Variants in NYAP2 observed in about 807,000 individuals in gnomAD.
The protein encoded by NYAP2 is neuronal tyrosine-phosphorylated phosphoinositide-3-kinase adaptor 2, also known as neuronal tyrosine-phosphorylated phosphoinositide-3-kinase adapter 2.
In NYAP2, 23 loss-of-function variants were observed where a neutral mutation model predicts 50.4. That is an observed-to-expected ratio of 0.46 (90% CI 0.33 to 0.65). NYAP2 has a LOEUF of 0.65. NYAP2 is among the 30% of genes least tolerant of loss of function. The pLI, the probability that NYAP2 is intolerant of heterozygous loss-of-function variation, is 0.02. For missense variants in NYAP2, 885 were observed against 861.0 expected (o/e 1.03, Z -0.35); for synonymous variants, 394 against 365.2 (o/e 1.08, Z -0.90).
intron 6 of NYAP2, among the ~76,000 whole-genome samples, chr2:225,638,054 A>C (rs1232953939): frequency 1.3e-5 from 2 of 152,184 alleles, no homozygotes; most frequent in East Asian, 3.9e-4. Flanking sequence ...TGAGAGAGAC[A>C]GAGACTAGAT....
At position 225,607,745 on chromosome 2, in the gene NYAP2, A is replaced by G. The variant is rs1574706501; in HGVS notation, c.1619-19172A>G. On this transcript the variant is annotated intron_variant, in intron 5 of 6. Transcript: ENST00000636099. Reference sequence around the variant, plus strand: ...ACTGAATTTAGAGGGAATAAAATGAACTGCCACACTGTCAGGTCTTAAATG... The same window carrying G: ...ACTGAATTTAGAGGGAATAAAATGAGCTGCCACACTGTCAGGTCTTAAATG... Among the ~76,000 whole-genome samples, 4 of 152,252 alleles carry G rather than the reference A, an allele frequency of 2.6e-5. No individual in the cohort carries two copies. In the South Asian group the frequency reaches 8.3e-4, roughly 32 times the overall value.
At chr2:225,482,146 T>C (rs912377356) in intron 3 of NYAP2, among the ~76,000 whole-genome samples, 2 of 152,202 alleles carry the variant, frequency 1.3e-5, no homozygotes, top group African/African-American at 4.8e-5. Context: ...CATAAAATTC[T>C]ACAGTGACTT....
intron 5 of NYAP2, among the ~76,000 whole-genome samples, chr2:225,617,764 G>T (rs1334149298): frequency 2.0e-5 from 3 of 152,126 alleles, no homozygotes; most frequent in Non-Finnish European, 4.4e-5. Flanking sequence ...AGTTATTGAG[G>T]GCTATTGGTT....
chr2:225,499,209 T>G (rs1690557677), intron 3 of NYAP2, among the ~76,000 whole-genome samples: 1 of 151,926 alleles, frequency 6.6e-6, no homozygotes, highest in South Asian at 2.1e-4. Flanking sequence ...AATAGGACAT[T>G]CCAGAAAGAA....
chr2:225,488,382 A>G (rs1690340678), intron 3 of NYAP2, among the ~76,000 whole-genome samples: 1 of 152,142 alleles, frequency 6.6e-6, no homozygotes, highest in South Asian at 2.1e-4. Context: ...TCTGTTTTAT[A>G]TGACTTTTTA....
intron 3 of NYAP2, among the ~76,000 whole-genome samples, chr2:225,449,885 G>A (rs573307320): frequency 6.6e-6 from 1 of 152,084 alleles, no homozygotes; most frequent in South Asian, 2.1e-4. Context: ...CCAAAATGCT[G>A]GGATTACAGT....
intron 3 of NYAP2, among the ~76,000 whole-genome samples, chr2:225,453,859 T>A (rs1689692392): frequency 6.9e-6 from 1 of 145,662 alleles, no homozygotes; most frequent in Admixed American, 6.9e-5. Flanking sequence ...TTTTTTTTAG[T>A]AGAGACAGAA....
At chr2:225,465,763 A>G (rs1463167694) in intron 3 of NYAP2, among the ~76,000 whole-genome samples, 1 of 152,184 alleles carries the variant, frequency 6.6e-6, no homozygotes, top group Non-Finnish European at 1.5e-5. Flanking sequence ...CCTTGAGTGC[A>G]TTGTTGAAAG....
chr2:225,583,059 G>A (rs777754449), intron 5 of NYAP2, 24 bp downstream of exon 5: 30 of 1,597,022 alleles, frequency 1.9e-5, no homozygotes, highest in Admixed American at 1.7e-5. Context: ...GCCTGCCTGA[G>A]CCCCAGAGCC....
At chr2:225,661,726 CT>C in the NYAP2 span, among the ~76,000 whole-genome samples, 386 of 145,152 alleles carry the variant, frequency 2.7e-3, 2 homozygotes, top group African/African-American at 8.6e-3. Context: ...TTTGCTCTCT[CT>C]TTTTTTTTTT....
chr2:225,643,751 T>A (rs1325569981), intron 6 of NYAP2, among the ~76,000 whole-genome samples: 1 of 152,026 alleles, frequency 6.6e-6, no homozygotes, highest in South Asian at 2.1e-4. Context: ...CTTTCATCCA[T>A]GTCCCTACAA....
At chr2:225,699,586 G>C in the NYAP2 span, 1 of 151,796 alleles carries the variant, frequency 6.6e-6, no homozygotes, top group Admixed American at 6.6e-5. Flanking sequence ...TAAAAGTTTA[G>C]ATCTATTAAT....
At chr2:225,502,841 C>G (rs1690631127) in intron 3 of NYAP2, among the ~76,000 whole-genome samples, 2 of 152,176 alleles carry the variant, frequency 1.3e-5, no homozygotes, top group Admixed American at 1.3e-4. Context: ...CATAGGGGTT[C>G]AAGAGCCAGT....
chr2:225,426,102 A>G (rs1389408055), intron 3 of NYAP2, among the ~76,000 whole-genome samples: 2 of 151,462 alleles, frequency 1.3e-5, no homozygotes, highest in Admixed American at 1.3e-4. Context: ...CCCCTAGAAA[A>G]TTAGTTACAT....
At position 225,582,264 on chromosome 2, in the gene NYAP2, G is replaced by T. The variant is rs760467083; in HGVS notation, c.847G>T (p.Ala283Ser). The T allele has an allele frequency of 1.9e-6, 3 of 1,613,894 alleles. No individual in the cohort carries two copies. The highest frequency in any genetic ancestry group is 2.5e-6 in the Non-Finnish European group (3 of 1,179,890). The change falls in exon 5 of 7, where the codon GCC becomes TCC. Residue 283 changes from alanine to serine, a missense_variant. By Grantham distance (99) the Ala-to-Ser change is moderately conservative (BLOSUM62 1). Transcript: ENST00000636099. This position sits in a 1 kb window ranked among gnomAD's most constrained non-coding sequence, Gnocchi z 7.0. Reference sequence around the variant, plus strand: ...TATCTTTGACGACTTGGGCCAAGACGCCAAATGTGACTTCGACCATCACAG... The same window carrying T: ...TATCTTTGACGACTTGGGCCAAGACTCCAAATGTGACTTCGACCATCACAG...
Position 225,561,827 on chromosome 2 carries a change from A to G in NYAP2, c.524-20114A>G, listed in dbSNP as rs575937104. On this transcript the variant is annotated intron_variant, in intron 4 of 6. Transcript: ENST00000636099. The stretch of plus-strand genomic sequence containing the variant: ...ATTTCTGTATTATATGTATCATGTT[A>G]TGTTGACAGTAAATGTTAAATCATG... 2.0e-5 allele frequency among the ~76,000 whole-genome samples: 3 copies of G among 152,184 alleles called. No homozygotes were observed. The East Asian group carries it at 5.8e-4, about 29-fold the overall frequency.
intron 3 of NYAP2, among the ~76,000 whole-genome samples, chr2:225,421,575 C>T (rs1695215313): frequency 6.6e-6 from 1 of 152,180 alleles, no homozygotes; most frequent in Non-Finnish European, 1.5e-5. Flanking sequence ...TATCCTCCTC[C>T]TATACCAGGT....
At chr2:225,480,521 A>T (rs1419707040) in intron 3 of NYAP2, among the ~76,000 whole-genome samples, 1 of 152,136 alleles carries the variant, frequency 6.6e-6, no homozygotes, top group African/African-American at 2.4e-5. Context: ...ATGCCGAGGA[A>T]GGAAAATAGC....
chr2:225,627,879 GTAGTTTCAGGTTTCTA>G (rs2106258393), intron 6 of NYAP2, among the ~76,000 whole-genome samples: 1 of 152,342 alleles, frequency 6.6e-6, no homozygotes, highest in African/African-American at 2.4e-5. Flanking sequence ...GGAACCTCCT[GTAGTTTCAGGTTTCTA>G]TTTCTTAAGA....
Sources: gnomAD v4.1 joint callset for allele counts (sites outside exome capture counted in the v4.1 genomes callset) on GRCh38, gnomAD v4.1.1 for gene constraint, Gnocchi (gnomAD v3.1) non-coding constraint, MANE v1.5 for transcripts, NCBI Gene and HGNC (gene_info 2026-07-23, HGNC 2026-07-21) for gene names.